The following MIOS variants were observed in gnomAD, a reference collection of about 807,000 sequenced individuals.
The protein encoded by MIOS is GATOR2 complex protein MIOS.
MIOS carries 52 observed loss-of-function variants against 96.9 expected under a neutral mutation model. That is an observed-to-expected ratio of 0.54 (90% CI 0.43 to 0.68). MIOS has a LOEUF of 0.68. Among genes scored for constraint, MIOS ranks in the 30% least tolerant of loss-of-function variants. The pLI, the probability that MIOS is intolerant of heterozygous loss-of-function variation, is 0.00. For synonymous variants in MIOS, 397 were observed against 359.5 expected (o/e 1.10, Z -1.18); for missense variants, 1,005 against 1,052.8 (o/e 0.95, Z 0.63).
intron 12 of MIOS, 80 bp downstream of exon 12, chr7:7,606,151 C>G (rs1350407670): frequency 4.6e-6 from 7 of 1,527,578 alleles, no homozygotes; most frequent in Non-Finnish European, 6.2e-6. Context: ...TTGGGTTTAT[C>G]TATTAGCATT....
At chr7:7,597,189 G>A (rs1784227345) in intron 11 of MIOS, among the ~76,000 whole-genome samples, 1 of 151,696 alleles carries the variant, frequency 6.6e-6, no homozygotes, top group Admixed American at 6.6e-5. Context: ...AGCCGGGCGT[G>A]GTGGCACACA....
At position 7,572,654 on chromosome 7, in the gene MIOS, C is replaced by T; in HGVS notation, c.179C>T (p.Thr60Ile). ...AATLLSINSDTPYMKCVAWYL... is the reference protein window; with the variant it reads ...AATLLSINSDIPYMKCVAWYL... The stretch of plus-strand genomic sequence containing the variant: ...ACATTACTGTCAATAAATTCAGATA[C>T]ACCCTATATGAAATGTGTTGCCTGG... Residue 60 changes from threonine (T) to isoleucine (I), a missense_variant, in exon 4 of 13, where the codon ACA becomes ATA. Physicochemically the swap from Thr to Ile is moderately conservative, Grantham distance 89. Transcript: ENST00000340080. The surrounding 1 kb of genome is among the most constrained non-coding windows in gnomAD (Gnocchi z 4.8). 4 of 1,614,132 alleles carry T rather than the reference C, an allele frequency of 2.5e-6. No individual in the cohort carries two copies. In the South Asian group the frequency reaches 3.3e-5, roughly 13 times the overall value.
chr7:7,589,628 G>A, intron 9 of MIOS, 65 bp downstream of exon 9: 1 of 1,518,432 alleles, frequency 6.6e-7, no homozygotes, highest in Non-Finnish European at 8.9e-7. Context: ...TTCCTCAGTT[G>A]AAAGTAAATA....
chr7:7,589,196 A>G (rs1281694424), intron 8 of MIOS, among the ~76,000 whole-genome samples: 1 of 152,184 alleles, frequency 6.6e-6, no homozygotes, highest in African/African-American at 2.4e-5. Context: ...AACATAATAA[A>G]TGCCTTTTTA....
At chr7:7,596,747 C>G (rs530098078) in intron 11 of MIOS, among the ~76,000 whole-genome samples, 1 of 152,294 alleles carries the variant, frequency 6.6e-6, no homozygotes, top group East Asian at 1.9e-4. Context: ...TTTCTTATCA[C>G]TGTTTCCACT....
chr7:7,578,568 T>C (rs561998991), intron 5 of MIOS, among the ~76,000 whole-genome samples: 15 of 152,122 alleles, frequency 9.9e-5, no homozygotes, highest in Non-Finnish European at 1.6e-4. Flanking sequence ...GCAAAATGAC[T>C]TCAAGGGGCA....
rs1470142513 is a variant in MIOS, at chr7:7,608,823, T to C, written c.*1731T>C. The C allele has an allele frequency of 6.6e-6, 1 of 152,038 alleles. No individual in the cohort carries two copies. Among genetic ancestry groups the C allele is most frequent in the Non-Finnish European group, 1.5e-5 (1 of 67,932 alleles). 9.4% of individuals were successfully genotyped at this position (152,038 alleles called of 1,614,324 possible). On this transcript the variant is annotated 3_prime_UTR_variant, in exon 13 of 13. Coordinates refer to ENST00000340080, the MANE Select transcript of MIOS (RefSeq NM_019005.4). ...TTGGAAATACAGTATAAAACATGAA[T>C]GTAAAGTCTATTATGTAATATGCTT...
intron 3 of MIOS, among the ~76,000 whole-genome samples, chr7:7,571,758 G>A (rs1188193470): frequency 1.3e-5 from 2 of 152,198 alleles, no homozygotes; most frequent in Non-Finnish European, 2.9e-5. Context: ...ACTCAGGTTC[G>A]TTCAGTACAT....
chr7:7,606,792 A>G (rs532207203), intron 12 of MIOS, among the ~76,000 whole-genome samples: 18 of 152,104 alleles, frequency 1.2e-4, no homozygotes, highest in Non-Finnish European at 2.5e-4. Flanking sequence ...TTATAGATAG[A>G]TATAAGTAAA....
At chr7:7,595,456 T>C (rs1476771078) in intron 10 of MIOS, among the ~76,000 whole-genome samples, 2 of 152,248 alleles carry the variant, frequency 1.3e-5, no homozygotes, top group Non-Finnish European at 2.9e-5. Flanking sequence ...ATTATTTATG[T>C]GCAGTAAGGC....
At chr7:7,600,083 G>T (rs1257199400) in intron 11 of MIOS, among the ~76,000 whole-genome samples, 1 of 151,942 alleles carries the variant, frequency 6.6e-6, no homozygotes, top group Non-Finnish European at 1.5e-5. Flanking sequence ...TTACCTGGAT[G>T]ATGAAATAAT....
At chr7:7,571,132 T>G (rs1783338151) in intron 3 of MIOS, among the ~76,000 whole-genome samples, 1 of 152,232 alleles carries the variant, frequency 6.6e-6, no homozygotes, top group Admixed American at 6.5e-5. Context: ...ACAACAGAGT[T>G]GTACAGATGC....
rs563668738 is a variant in MIOS, at chr7:7,588,425, A to G, written c.1819-73A>G. Reference sequence around the variant, plus strand: ...AAACATATTCATTTTATTTATATAAAACATTCAGTCTCTGCAAAAATTTAA... The same window carrying G: ...AAACATATTCATTTTATTTATATAAGACATTCAGTCTCTGCAAAAATTTAA... On this transcript the variant is annotated intron_variant, in intron 7 of 12. Coordinates refer to ENST00000340080, the MANE Select transcript of MIOS (RefSeq NM_019005.4). The G allele has an allele frequency of 1.0e-4, 82 of 812,042 alleles. No individual in the cohort carries two copies. The East Asian group carries it at 2.3e-3, about 23-fold the overall frequency. 50.3% of individuals were successfully genotyped at this position (812,042 alleles called of 1,614,324 possible). A position where few individuals can be genotyped will look rare whatever the true frequency, so the allele number is the denominator to read the frequency against.
chr7:7,581,233 G>A lies in MIOS; in HGVS notation c.1394-1885G>A, dbSNP rs1020531759. On this transcript the variant is annotated intron_variant, in intron 5 of 12. Transcript: ENST00000340080. The stretch of plus-strand genomic sequence containing the variant: ...GGAGAATCGCTTGAACCTGGGAGGC[G>A]GAGGTTGCAGTGAGCTGAGATCGTG... Among the ~76,000 whole-genome samples the A allele has an allele frequency of 4.2e-4, 59 of 140,612 alleles. 1 individual carries two copies. The highest frequency in any genetic ancestry group is 1.4e-3 in the African/African-American group (57 of 39,628). 92.2% of individuals were successfully genotyped at this position (140,612 alleles called of 152,430 possible).
chr7:7,581,094 G>A (rs932554114), intron 5 of MIOS, among the ~76,000 whole-genome samples: 6 of 151,218 alleles, frequency 4.0e-5, no homozygotes, highest in Non-Finnish European at 8.9e-5. Context: ...GGCTGAGGTG[G>A]GTGGATCACC....
intron 5 of MIOS, among the ~76,000 whole-genome samples, chr7:7,578,357 A>C (rs80174520): frequency 6.6e-6 from 1 of 152,078 alleles, no homozygotes; most frequent in African/African-American, 2.4e-5. Flanking sequence ...GCCTGCTTTA[A>C]TCCATCATGA....
intron 11 of MIOS, among the ~76,000 whole-genome samples, chr7:7,596,876 C>A (rs564263920): frequency 1.8e-4 from 27 of 152,166 alleles, no homozygotes; most frequent in Non-Finnish European, 3.7e-4. Flanking sequence ...TTTCTTCCTT[C>A]ATCTTCAAAA....
chr7:7,587,479 A>T (rs1199407791), intron 7 of MIOS, among the ~76,000 whole-genome samples: 1 of 152,202 alleles, frequency 6.6e-6, no homozygotes, highest in Non-Finnish European at 1.5e-5. Flanking sequence ...GTTAATAGTA[A>T]TGTGAAAAGT....
intron 10 of MIOS, among the ~76,000 whole-genome samples, chr7:7,595,808 T>C (rs753303762): frequency 2.6e-5 from 4 of 152,234 alleles, no homozygotes; most frequent in African/African-American, 4.8e-5. Flanking sequence ...CAGCTTCTAT[T>C]GCTATTATTC....
Sources: allele counts gnomAD v4.1 joint callset (sites outside exome capture counted in the v4.1 genomes callset), GRCh38; gene constraint gnomAD v4.1.1; non-coding constraint Gnocchi (gnomAD v3.1); transcripts MANE v1.5; gene names NCBI Gene and HGNC (gene_info 2026-07-23, HGNC 2026-07-21).